Variants in VPS53 observed in about 807,000 individuals in gnomAD.
VPS53 encodes vacuolar protein sorting-associated protein 53 homolog.
VPS53 carries 70 observed loss-of-function variants against 107.0 expected under a neutral mutation model. That is an observed-to-expected ratio of 0.65 (90% confidence interval 0.54 to 0.80). The LOEUF (loss-of-function observed/expected upper bound fraction) is 0.80, where lower values mean the gene tolerates loss of function less well. VPS53 is among the 30% of genes least tolerant of loss of function. The pLI is 0.00. For synonymous variants in VPS53, 409 were observed against 393.3 expected (o/e 1.04, Z -0.47); for missense variants, 917 against 1,049.4 (o/e 0.87, Z 1.74).
intron 4 of VPS53, among the ~76,000 whole-genome samples, chr17:672,225 C>T (rs533011601): frequency 2.8e-5 from 4 of 141,838 alleles, no homozygotes; most frequent in Admixed American, 2.2e-4. Context: ...GCTTTACTCC[C>T]GTCTTTGGCT....
intron 12 of VPS53, among the ~76,000 whole-genome samples, chr17:593,311 GAT>G (rs778470938): frequency 9.2e-5 from 14 of 152,114 alleles, no homozygotes; most frequent in Non-Finnish European, 2.1e-4. Flanking sequence ...TGACCAATGG[GAT>G]CTAATTAAAC....
rs1179340805 is a variant in VPS53, at chr17:714,819, G to A, written c.-110C>T. 5 of 1,229,252 alleles carry A rather than the reference G, an allele frequency of 4.1e-6. No individual in the cohort carries two copies. Among genetic ancestry groups the A allele is most frequent in the African/African-American group, 3.0e-5 (2 of 67,044 alleles). 76.1% of individuals were successfully genotyped at this position (1,229,252 alleles called of 1,614,324 possible). A position where few individuals can be genotyped will look rare whatever the true frequency, so the allele number is the denominator to read the frequency against. On this transcript the variant is annotated 5_prime_UTR_variant, in exon 1 of 22. Coordinates refer to ENST00000437048, the MANE Select transcript of VPS53 (RefSeq NM_001128159.3). ...CTCGCGGCAGCGACCTGGTGAGCCC[G>A]GCTCCGTCAGCCGCTCTGTCAGCCG...
chr17:538,849 C>G (rs572069834), intron 17 of VPS53: 18 of 152,318 alleles, frequency 1.2e-4, no homozygotes, highest in African/African-American at 4.3e-4. Flanking sequence ...ACTTAACATT[C>G]TAATGCTTTG....
chr17:696,907 C>T (rs1321395136), intron 4 of VPS53, among the ~76,000 whole-genome samples: 2 of 151,862 alleles, frequency 1.3e-5, no homozygotes, highest in Non-Finnish European at 2.9e-5. Context: ...ACTCTCATGC[C>T]TCAGCCTCCT....
intron 19 of VPS53, among the ~76,000 whole-genome samples, chr17:530,143 C>CTTTT (rs35030075): frequency 2.4e-5 from 3 of 127,282 alleles, no homozygotes; most frequent in East Asian, 2.4e-4. Context: ...AATTTATATT[C>CTTTT]TTTTTTTTTT....
intron 11 of VPS53, among the ~76,000 whole-genome samples, chr17:617,253 A>C (rs1468050414): frequency 2.0e-5 from 3 of 152,172 alleles, no homozygotes; most frequent in Non-Finnish European, 4.4e-5. Flanking sequence ...CCAGTGCCAC[A>C]TATATCTACG....
chr17:532,865 T>A lies in VPS53; in HGVS notation c.2062A>T (p.Ile688Phe). The A allele has an allele frequency of 6.2e-7, 1 of 1,614,108 alleles. No homozygotes were observed. Among genetic ancestry groups the A allele is most frequent in the Non-Finnish European group, 8.5e-7 (1 of 1,180,000 alleles). The part of the protein sequence containing the change: ...FITHLFKCKP[I>F]SMVGAEQLLL... ...ACCTGTTCTGCTCCCACCATGCTAATTGGCTTGCACTTGAAGAGGTGGGTG... is the reference window on the plus strand; with the variant it reads ...ACCTGTTCTGCTCCCACCATGCTAAATGGCTTGCACTTGAAGAGGTGGGTG... The change falls in exon 19 of 22, where the codon ATT becomes TTT. Residue 688 changes from isoleucine to phenylalanine, a missense_variant. Physicochemically the swap from Ile to Phe is conservative, Grantham distance 21. Coordinates refer to ENST00000437048, the MANE Select transcript of VPS53 (RefSeq NM_001128159.3).
chr17:594,255 C>A (rs577778400), intron 12 of VPS53, among the ~76,000 whole-genome samples: 7 of 152,324 alleles, frequency 4.6e-5, no homozygotes, highest in Admixed American at 4.6e-4. Flanking sequence ...CAGCATGGCA[C>A]ATGTATACAT....
At chr17:680,298 TAAC>T (rs374580202) in intron 4 of VPS53, among the ~76,000 whole-genome samples, 5 of 152,000 alleles carry the variant, frequency 3.3e-5, no homozygotes, top group African/African-American at 1.2e-4. Flanking sequence ...CGTCTCAAAA[TAAC>T]AACAACAAAA....
At chr17:559,344 T>C (rs1244565092) in intron 15 of VPS53, among the ~76,000 whole-genome samples, 3 of 152,252 alleles carry the variant, frequency 2.0e-5, no homozygotes, top group African/African-American at 4.8e-5. Context: ...ATCGTATTTC[T>C]TTCTGTGCAC....
chr17:634,368 T>C (rs1035617345), intron 7 of VPS53, among the ~76,000 whole-genome samples: 3 of 152,212 alleles, frequency 2.0e-5, no homozygotes, highest in Admixed American at 6.5e-5. Flanking sequence ...ATTTTCATTT[T>C]TTTACATTAA....
At chr17:582,471 C>T (rs1245151159) in intron 13 of VPS53, among the ~76,000 whole-genome samples, 2 of 148,186 alleles carry the variant, frequency 1.3e-5, no homozygotes, top group Non-Finnish European at 3.0e-5. Flanking sequence ...GAACCTCCCT[C>T]AGAACCTAGT....
Position 661,829 on chromosome 17 carries a change from C to G in VPS53, c.352G>C (p.Ala118Pro). The G allele has an allele frequency of 3.9e-6, 6 of 1,552,138 alleles. No homozygotes were observed. Among genetic ancestry groups the G allele is most frequent in the Non-Finnish European group, 5.2e-6 (6 of 1,147,066 alleles). ...CTCACCATTTGCTCTGATTTTTCAG[C>G]TTTGTCTTTGATATCTTTGATTTTG... is the stretch of plus-strand genomic sequence containing the variant. ...FGKIKDIKDK[A>P]EKSEQMVKEI... Residue 118 changes from alanine to proline, a missense_variant, in exon 5 of 22, where the codon GCT (alanine) becomes CCT (proline). Coordinates refer to ENST00000437048, the MANE Select transcript of VPS53 (RefSeq NM_001128159.3).
chr17:609,506 T>C (rs1968743403), intron 11 of VPS53, among the ~76,000 whole-genome samples: 1 of 152,180 alleles, frequency 6.6e-6, no homozygotes, highest in Non-Finnish European at 1.5e-5. Context: ...GAAGTAGAAA[T>C]GTGTAATTAA....
intron 4 of VPS53, among the ~76,000 whole-genome samples, chr17:665,736 G>A (rs2143648583): frequency 6.6e-6 from 1 of 152,364 alleles, no homozygotes; most frequent in Admixed American, 6.5e-5. Context: ...TGGGCATGGT[G>A]GCTCACGCCT....
intron 4 of VPS53, among the ~76,000 whole-genome samples, chr17:666,462 A>G (rs1381180538): frequency 6.6e-6 from 1 of 152,150 alleles, no homozygotes; most frequent in Non-Finnish European, 1.5e-5. Flanking sequence ...TCAGGAGTTC[A>G]AGACCAGCCT....
At chr17:597,217 A>G (rs1006602219) in intron 12 of VPS53, among the ~76,000 whole-genome samples, 4 of 152,214 alleles carry the variant, frequency 2.6e-5, no homozygotes, top group Non-Finnish European at 1.5e-5. Context: ...TGAGGGCCAC[A>G]TGGCTACTGA....
intron 7 of VPS53, among the ~76,000 whole-genome samples, chr17:651,854 G>A (rs893362836): frequency 1.3e-5 from 2 of 152,008 alleles, no homozygotes; most frequent in Non-Finnish European, 2.9e-5. Context: ...GTCCTCCCTT[G>A]GAATCCTCAT....
At chr17:643,928 C>T (rs1030438571) in intron 7 of VPS53, among the ~76,000 whole-genome samples, 1 of 152,196 alleles carries the variant, frequency 6.6e-6, no homozygotes, top group Admixed American at 6.5e-5. Context: ...AGGTTGAGTT[C>T]TTTTTTCACT....
Sources: allele counts gnomAD v4.1 joint callset (sites outside exome capture counted in the v4.1 genomes callset), GRCh38; gene constraint gnomAD v4.1.1; transcripts MANE v1.5; gene names NCBI Gene and HGNC (gene_info 2026-07-23, HGNC 2026-07-21).